PCDHA11: variants seen among roughly 807,000 people sequenced by gnomAD.
The protein encoded by PCDHA11 is protocadherin alpha-11.
PCDHA11 carries 61 observed loss-of-function variants against 70.3 expected under a neutral mutation model. That is an observed-to-expected ratio of 0.87 (90% CI 0.71 to 1.07). The LOEUF (loss-of-function observed/expected upper bound fraction) is 1.07. Among genes scored for constraint, PCDHA11 ranks in the 50% least tolerant of loss-of-function variants. The pLI is 0.00. For synonymous variants in PCDHA11, 633 were observed against 555.1 expected (o/e 1.14, Z -1.97); for missense variants, 1,324 against 1,237.5 (o/e 1.07, Z -1.05).
intron 1 of PCDHA11, among the ~76,000 whole-genome samples, chr5:140,909,316 G>C (rs2074435468): frequency 6.6e-6 from 1 of 152,198 alleles, no homozygotes; most frequent in Non-Finnish European, 1.5e-5. Flanking sequence ...AAAGGCATTT[G>C]CCAAATCAAT....
At chr5:140,876,192 G>A (rs782181168) in intron 1 of PCDHA11, 6 of 1,613,732 alleles carry the variant, frequency 3.7e-6, no homozygotes, top group African/African-American at 1.3e-5. Context: ...ACAATGGTCC[G>A]GCGTTTGATA....
At chr5:140,923,104 A>AT (rs2081172107) in intron 1 of PCDHA11, among the ~76,000 whole-genome samples, 1 of 152,194 alleles carries the variant, frequency 6.6e-6, no homozygotes, top group Admixed American at 6.5e-5. Context: ...TGGGAGTATG[A>AT]TTTTAAGTTT....
intron 1 of PCDHA11, among the ~76,000 whole-genome samples, chr5:140,920,056 C>T (rs2079426580): frequency 6.6e-6 from 1 of 152,144 alleles, no homozygotes; most frequent in African/African-American, 2.4e-5. Flanking sequence ...GCCACCAACA[C>T]CTGGAAAAGG....
At chr5:140,973,040 T>G (rs529820612) in intron 1 of PCDHA11, among the ~76,000 whole-genome samples, 23 of 152,264 alleles carry the variant, frequency 1.5e-4, no homozygotes, top group African/African-American at 5.5e-4. Flanking sequence ...CTTTGAGTAC[T>G]CTAGTAGATT....
At chr5:140,926,872 AC>A in intron 1 of PCDHA11, 1 of 1,525,488 alleles carries the variant, frequency 6.6e-7, no homozygotes, top group Non-Finnish European at 8.8e-7. Flanking sequence ...TGTTGGTGGA[AC>A]GTGGACGCCT....
At chr5:140,913,987 T>C (rs562066581) in intron 1 of PCDHA11, among the ~76,000 whole-genome samples, 5 of 152,318 alleles carry the variant, frequency 3.3e-5, no homozygotes, top group African/African-American at 1.2e-4. Context: ...ACTTGTATTG[T>C]GACTAGCATA....
chr5:140,983,275 A>C (rs1279699182), intron 3 of PCDHA11, among the ~76,000 whole-genome samples: 1 of 152,230 alleles, frequency 6.6e-6, no homozygotes, highest in Non-Finnish European at 1.5e-5. Flanking sequence ...TGGCTGGGTG[A>C]GTATAGGAAA....
chr5:140,869,203 TC>T lies in PCDHA11; in HGVS notation c.102del (p.Val35SerfsTer43). On this transcript the variant is annotated frameshift_variant, in exon 1 of 4. Transcript: ENST00000398640. LOFTEE classifies it high-confidence loss of function. Reference sequence around the variant, plus strand: ...GGTGGGGAGCGGCCAGCTCCACTACTCCGTCTCGGAGGAGGCCAAACACGGC... The same window carrying T: ...GGTGGGGAGCGGCCAGCTCCACTACTCGTCTCGGAGGAGGCCAAACACGGC... ...WEVGSGQLHY[S>X]VSEEAKHGTF... is the part of the protein sequence containing the mutation. 1.9e-5 allele frequency: 30 copies of T among 1,614,000 alleles called. No homozygotes were observed. The highest frequency in any genetic ancestry group is 2.5e-5 in the Non-Finnish European group (30 of 1,179,940).
intron 1 of PCDHA11, chr5:140,883,283 G>A (rs782514861): frequency 1.2e-6 from 2 of 1,614,034 alleles, no homozygotes; most frequent in Admixed American, 3.3e-5. Context: ...CCTTTTGGTG[G>A]AAGTACTAGA....
intron 1 of PCDHA11, chr5:140,928,022 G>A: frequency 6.2e-7 from 1 of 1,614,200 alleles, no homozygotes; most frequent in Non-Finnish European, 8.5e-7. Flanking sequence ...AGGGTCATTT[G>A]TGGCATGTCT....
chr5:140,973,590 A>G (rs562109843), intron 1 of PCDHA11, among the ~76,000 whole-genome samples: 3 of 152,340 alleles, frequency 2.0e-5, no homozygotes, highest in Non-Finnish European at 4.4e-5. Context: ...GCTGAGCCAG[A>G]TGGAATTATG....
chr5:140,965,928 C>T (rs2095948805), intron 1 of PCDHA11, among the ~76,000 whole-genome samples: 1 of 152,198 alleles, frequency 6.6e-6, no homozygotes, highest in South Asian at 2.1e-4. Flanking sequence ...GGCTTGCTCC[C>T]GGAAAGAGGG....
In PCDHA11 at chr5:140,871,489, G is replaced by A. The variant is rs782277615; in HGVS notation, c.2386G>A (p.Gly796Arg). 3.8e-6 allele frequency: 6 copies of A among 1,590,138 alleles called. No individual in the cohort carries two copies. The highest frequency in any genetic ancestry group is 5.1e-6 in the Non-Finnish European group (6 of 1,166,826). ...ACAGGAGCCAGGGTCAAATCACCCCGGACAGGTGAGTTTTCTACAGATTCC... is the reference window on the plus strand; with the variant it reads ...ACAGGAGCCAGGGTCAAATCACCCCAGACAGGTGAGTTTTCTACAGATTCC... ...ERQEPGSNHP[G>R]QPRQPNPDWR... Residue 796 changes from glycine (G) to arginine (R), a missense_variant, in exon 1 of 4, where the codon GGA becomes AGA. Physicochemically the swap from Gly to Arg is moderately radical, Grantham distance 125. Coordinates refer to ENST00000398640, the MANE Select transcript of PCDHA11 (RefSeq NM_018902.5).
chr5:140,882,263 T>G (rs1554173290), intron 1 of PCDHA11: 3 of 1,604,900 alleles, frequency 1.9e-6, no homozygotes. Context: ...GTTTTTGGAG[T>G]GTACCATGCT....
At chr5:140,928,504 A>G (rs1408229072) in intron 1 of PCDHA11, 1 of 1,614,092 alleles carries the variant, frequency 6.2e-7, no homozygotes, top group African/African-American at 1.3e-5. Flanking sequence ...CAGAAGTGCA[A>G]CAGTGACTAT....
At chr5:140,894,808 A>G (rs541905033) in intron 1 of PCDHA11, among the ~76,000 whole-genome samples, 2 of 152,096 alleles carry the variant, frequency 1.3e-5, no homozygotes, top group African/African-American at 4.8e-5. Flanking sequence ...AAATAATTTT[A>G]TATCAGATTT....
chr5:140,976,546 A>G (rs2096722070), intron 1 of PCDHA11, among the ~76,000 whole-genome samples: 1 of 152,086 alleles, frequency 6.6e-6, no homozygotes, highest in Non-Finnish European at 1.5e-5. Context: ...GTAAGACCCT[A>G]TCTCATAAAT....
intron 1 of PCDHA11, among the ~76,000 whole-genome samples, chr5:140,973,856 C>G (rs1349378315): frequency 6.6e-6 from 1 of 152,166 alleles, no homozygotes; most frequent in Non-Finnish European, 1.5e-5. Context: ...CCAATTTTTG[C>G]TCTCAATGAG....
intron 1 of PCDHA11, chr5:140,928,544 A>G (rs1554205985): frequency 3.1e-6 from 5 of 1,614,062 alleles, no homozygotes; most frequent in Middle Eastern, 1.6e-4. Flanking sequence ...AGGAATGACA[A>G]TTATCCGGTT....
Sources: allele counts gnomAD v4.1 joint callset (sites outside exome capture counted in the v4.1 genomes callset), GRCh38; gene constraint gnomAD v4.1.1; transcripts MANE v1.5; gene names NCBI Gene and HGNC (gene_info 2026-07-23, HGNC 2026-07-21).